AR: variants seen among roughly 807,000 people sequenced by gnomAD.
AR encodes the protein dihydrotestosterone receptor.
Under a neutral mutation model 53.9 loss-of-function variants are expected in AR, and 8 were observed. That is an observed-to-expected ratio of 0.15 (90% confidence interval 0.09 to 0.27). The LOEUF (loss-of-function observed/expected upper bound fraction) is 0.27, where lower values mean the gene tolerates loss of function less well. Among genes scored for constraint, AR ranks in the 10% least tolerant of loss-of-function variants. AR has a pLI of 1.00. For missense variants in AR, 639 were observed against 742.5 expected (o/e 0.86, Z 1.62); for synonymous variants, 359 against 316.4 (o/e 1.13, Z -1.43).
chrX:67,613,005 G>C (rs1923950899), intron 1 of AR, among the ~76,000 whole-genome samples: 1 of 112,069 alleles, frequency 8.9e-6, no homozygotes, highest in African/African-American at 3.2e-5. Context: ...GCATAGCTTA[G>C]AGGATTGGAG....
Position 67,728,941 on chromosome X carries a change from G to A in AR, c.*5100G>A. ...TTTACCACAGGGAAGGCCCAAACTT[G>A]GGGCCAAAAGCCTACCCAAGTGATT... On this transcript the variant is annotated 3_prime_UTR_variant, in exon 8 of 8. Coordinates refer to ENST00000374690, the MANE Select transcript of AR (RefSeq NM_000044.6). The A allele has an allele frequency of 1.1e-5, 2 of 173,914 alleles. No individual in the cohort carries two copies. The highest frequency in any genetic ancestry group is 5.8e-5 in the African/African-American group (2 of 34,368). The allele number at this position is 173,914 out of a possible 1,213,427, so 14.3% of individuals were successfully genotyped here. A position where few individuals can be genotyped will look rare whatever the true frequency, so the allele number is the denominator to read the frequency against.
At chrX:67,609,793 C>T (rs1467901545) in intron 1 of AR, among the ~76,000 whole-genome samples, 4 of 111,046 alleles carry the variant, frequency 3.6e-5, no homozygotes, top group Non-Finnish European at 5.7e-5. Context: ...ACGTATTCTC[C>T]GAAATGTTGG....
intron 7 of AR, 127 bp from the exon 8 acceptor site, chrX:67,723,559 C>T: frequency 2.8e-6 from 2 of 714,673 alleles, no homozygotes; most frequent in Non-Finnish European, 4.3e-6. Flanking sequence ...GGGGGAGGAC[C>T]AAGGAAGTAC....
intron 3 of AR, among the ~76,000 whole-genome samples, chrX:67,705,279 C>T (rs777946958): frequency 8.1e-5 from 9 of 111,508 alleles, no homozygotes; most frequent in African/African-American, 2.3e-4. Context: ...TACCCATGAG[C>T]ATGGAATGTT....
intron 3 of AR, among the ~76,000 whole-genome samples, chrX:67,705,289 T>C (rs1357482310): frequency 9.0e-6 from 1 of 111,451 alleles, no homozygotes; most frequent in Non-Finnish European, 1.9e-5. Flanking sequence ...CATGGAATGT[T>C]CTTCCATTTC....
At chrX:67,710,329 A>AT (rs2147523045) in intron 3 of AR, among the ~76,000 whole-genome samples, 1 of 110,725 alleles carries the variant, frequency 9.0e-6, no homozygotes, top group African/African-American at 3.3e-5. Flanking sequence ...TTTTATTTTT[A>AT]TTTTTTTAGA....
chrX:67,670,589 T>C (rs1174836154), intron 2 of AR, among the ~76,000 whole-genome samples: 1 of 107,374 alleles, frequency 9.3e-6, no homozygotes, highest in Non-Finnish European at 1.9e-5. Context: ...AGCATATATA[T>C]AGTATGTAGA....
intron 1 of AR, among the ~76,000 whole-genome samples, chrX:67,630,316 G>A (rs952761661): frequency 9.0e-6 from 1 of 111,296 alleles, no homozygotes; most frequent in Non-Finnish European, 1.9e-5. Context: ...ATGAATCTGG[G>A]TGCTCCTGTA....
At chrX:67,704,876 T>C (rs1458858666) in intron 3 of AR, among the ~76,000 whole-genome samples, 1 of 112,220 alleles carries the variant, frequency 8.9e-6, no homozygotes, top group Admixed American at 9.5e-5. Flanking sequence ...CTAACCAGTT[T>C]TCACAGCACC....
chrX:67,724,038 C>T lies in AR; in HGVS notation c.*197C>T. On this transcript the variant is annotated 3_prime_UTR_variant, in exon 8 of 8. Coordinates refer to ENST00000374690, the MANE Select transcript of AR (RefSeq NM_000044.6). ...TTCTCTCCTTTCTTTTTCTTCTTCC[C>T]TCCCTATCTAACCCTCCCATGGCAC... is the stretch of plus-strand genomic sequence containing the variant. 1 of 515,285 alleles carries T rather than the reference C, an allele frequency of 1.9e-6. No individual in the cohort carries two copies. Among genetic ancestry groups the T allele is most frequent in the Non-Finnish European group, 3.1e-6 (1 of 324,417 alleles). 42.5% of individuals were successfully genotyped at this position (515,285 alleles called of 1,213,427 possible).
chrX:67,726,337 T>A lies in AR; in HGVS notation c.*2496T>A. ...CAGAAAAAAATATCCACCACTCTTT[T>A]CAGTTACACTAGGTTACATTTTAAT... On this transcript the variant is annotated 3_prime_UTR_variant, in exon 8 of 8. Transcript: ENST00000374690. 1 of 175,038 alleles carries A rather than the reference T, an allele frequency of 5.7e-6. No individual in the cohort carries two copies. The highest frequency in any genetic ancestry group is 1.8e-3 in the Middle Eastern group (1 of 551). The allele number at this position is 175,038 out of a possible 1,213,427, so 14.4% of individuals were successfully genotyped here. A position where few individuals can be genotyped will look rare whatever the true frequency, so the allele number is the denominator to read the frequency against.
At chrX:67,614,490 C>G (rs1438589407) in intron 1 of AR, among the ~76,000 whole-genome samples, 2 of 111,426 alleles carry the variant, frequency 1.8e-5, no homozygotes, top group Admixed American at 9.6e-5. Context: ...TTGTGAGTAA[C>G]AACACCAGAA....
At chrX:67,630,452 A>T (rs1232175660) in intron 1 of AR, among the ~76,000 whole-genome samples, 2 of 110,865 alleles carry the variant, frequency 1.8e-5, no homozygotes, top group Non-Finnish European at 3.8e-5. Context: ...CAGAGACTAG[A>T]ATTGTAACCC....
chrX:67,624,004 G>T (rs5964604), intron 1 of AR, among the ~76,000 whole-genome samples: 43 of 110,822 alleles, frequency 3.9e-4, no homozygotes, highest in Middle Eastern at 4.7e-3. Context: ...CAGGTGAAAG[G>T]CTAAGGGGCA....
intron 1 of AR, among the ~76,000 whole-genome samples, chrX:67,586,349 T>C (rs1314179916): frequency 8.9e-6 from 1 of 112,176 alleles, no homozygotes; most frequent in East Asian, 2.8e-4. Flanking sequence ...TGGCTTTGCA[T>C]GTTCTGCTCC....
intron 1 of AR, among the ~76,000 whole-genome samples, chrX:67,554,641 T>A (rs778170875): frequency 2.7e-5 from 3 of 111,612 alleles, no homozygotes; most frequent in Admixed American, 9.5e-5. Flanking sequence ...AGGGATTTTT[T>A]AAAAAAGAAT....
At chrX:67,605,670 C>T (rs185413855) in intron 1 of AR, among the ~76,000 whole-genome samples, 47 of 111,890 alleles carry the variant, frequency 4.2e-4, no homozygotes, top group African/African-American at 1.5e-3. Flanking sequence ...GTCATCCGGC[C>T]GCTTTATTTG....
At chrX:67,607,667 T>C (rs1319691505) in intron 1 of AR, among the ~76,000 whole-genome samples, 2 of 112,292 alleles carry the variant, frequency 1.8e-5, no homozygotes, top group Non-Finnish European at 3.8e-5. Context: ...TAAAGTGTGA[T>C]TCAAATGTTA....
intron 1 of AR, among the ~76,000 whole-genome samples, chrX:67,591,486 T>A (rs960490181): frequency 5.4e-5 from 6 of 111,684 alleles, no homozygotes; most frequent in Non-Finnish European, 9.4e-5. Context: ...TTGGTTCCCT[T>A]CTCCTACCTC....
Sources: allele counts gnomAD v4.1 joint callset (sites outside exome capture counted in the v4.1 genomes callset), GRCh38; gene constraint gnomAD v4.1.1; transcripts MANE v1.5; gene names NCBI Gene and HGNC (gene_info 2026-07-23, HGNC 2026-07-21).